The following MAB21L4 variants were observed in gnomAD, a reference collection of about 807,000 sequenced individuals.
MAB21L4 encodes mab-21 like 4.
In MAB21L4, 25 loss-of-function variants were observed where a neutral mutation model predicts 32.4. The observed-to-expected ratio is 0.77, with a 90% CI of 0.56 to 1.08. The LOEUF is 1.08. Ranked by LOEUF, MAB21L4 falls within the 50% of genes least tolerant of loss-of-function variation. MAB21L4 has a pLI of 0.00. For missense variants in MAB21L4, 638 were observed against 611.0 expected (o/e 1.04, Z -0.47); for synonymous variants, 280 against 276.8 (o/e 1.01, Z -0.11).
chr2:240,894,904 A>G (rs750856195), intron 1 of MAB21L4, among the ~76,000 whole-genome samples: 1 of 151,964 alleles, frequency 6.6e-6, no homozygotes, highest in Non-Finnish European at 1.5e-5. Context: ...CCAATAGACA[A>G]CTCAGCCATA....
chr2:240,892,164 C>A, intron 1 of MAB21L4: 4 of 859,176 alleles, frequency 4.7e-6, no homozygotes, highest in Non-Finnish European at 6.7e-6. Context: ...GCCCTGGGGC[C>A]AAAGTCCCAG....
At position 240,895,709 on chromosome 2, in the gene MAB21L4, G is replaced by C. The variant is rs1225565491; in HGVS notation, c.289C>G (p.Pro97Ala). The part of the protein sequence containing the change: ...VDAEALLIEE[P>A]EATQPEDGLE... ...CCATCCTCCGGCTGGGTGGCCTCTG[G>C]TTCCTCAATCAGTAGAGCCTCGGCA... Residue 97 changes from proline to alanine, a missense_variant, in exon 1 of 5, where the codon CCA (proline) becomes GCA (alanine). By Grantham distance (27) the Pro-to-Ala change is conservative. Transcript: ENST00000388934. The C allele has an allele frequency of 6.2e-7, 1 of 1,612,942 alleles. No individual in the cohort carries two copies. The highest frequency in any genetic ancestry group is 1.1e-5 in the South Asian group (1 of 91,086).
In MAB21L4 at chr2:240,886,721, C is replaced by T. The variant is rs11680484; in HGVS notation, c.*349G>A. 0.16 allele frequency: 37,892 copies of T among 244,008 alleles called. 3,566 individuals are homozygous for T. The highest frequency in any genetic ancestry group is 0.19 in the Non-Finnish European group (24,913 of 128,084). The allele number at this position is 244,008 out of a possible 1,614,324, so 15.1% of individuals were successfully genotyped here. A position where few individuals can be genotyped will look rare whatever the true frequency, so the allele number is the denominator to read the frequency against. On this transcript the variant is annotated 3_prime_UTR_variant, in exon 5 of 5. Transcript: ENST00000388934. ...TTTCAAAACCAAATATACAGCATTT[C>T]GTCACCAAGGAATGGCATACAGTGC...
chr2:240,892,392 C>T (rs2059158223), intron 1 of MAB21L4, among the ~76,000 whole-genome samples: 1 of 149,668 alleles, frequency 6.7e-6, no homozygotes, highest in African/African-American at 2.4e-5. Flanking sequence ...TCCCTGAGAG[C>T]CCCCTGCCAC....
chr2:240,892,161 G>A (rs1367776953), intron 1 of MAB21L4: 2 of 901,022 alleles, frequency 2.2e-6, no homozygotes, highest in African/African-American at 3.4e-5. Context: ...CCAGCCCTGG[G>A]GCCAAAGTCC....
chr2:240,893,722 T>A (rs74946077), intron 1 of MAB21L4, among the ~76,000 whole-genome samples: 1 of 109,740 alleles, frequency 9.1e-6, no homozygotes. Context: ...CAGTATCGAG[T>A]CTGCTTTCTC....
intron 4 of MAB21L4, 115 bp from the exon 5 acceptor site, chr2:240,887,277 C>T (rs1481483036): frequency 8.6e-6 from 7 of 816,280 alleles, no homozygotes; most frequent in Non-Finnish European, 1.4e-5. Context: ...CATGCCGGGC[C>T]TTCCTGCCCC....
chr2:240,893,483 C>T (rs747738790), intron 1 of MAB21L4, among the ~76,000 whole-genome samples: 23 of 152,232 alleles, frequency 1.5e-4, no homozygotes, highest in Non-Finnish European at 1.8e-4. Flanking sequence ...CCGTGGGCCA[C>T]GCACGCTCAC....
intron 2 of MAB21L4, 65 bp from the exon 3 acceptor site, chr2:240,890,223 C>T (rs1473300180): frequency 5.8e-6 from 9 of 1,541,068 alleles, no homozygotes; most frequent in Non-Finnish European, 7.9e-6. Flanking sequence ...TGGGGAGCTT[C>T]TGAGCCCCGG....
upstream of MAB21L4, chr2:240,896,213 C>G: frequency 8.1e-7 from 1 of 1,232,422 alleles, no homozygotes; most frequent in Non-Finnish European, 1.0e-6. Context: ...TGAGTCAGTC[C>G]CCAGCAATTG....
At chr2:240,893,375 C>T (rs1246072505) in intron 1 of MAB21L4, among the ~76,000 whole-genome samples, 1 of 152,220 alleles carries the variant, frequency 6.6e-6, no homozygotes. Flanking sequence ...CCACAGGGGC[C>T]TCAGTTCCCA....
intron 1 of MAB21L4, among the ~76,000 whole-genome samples, chr2:240,893,284 A>T (rs1189390599): frequency 1.3e-5 from 2 of 152,080 alleles, no homozygotes; most frequent in African/African-American, 4.8e-5. Flanking sequence ...CAGCCCCCAC[A>T]ATCTCCCGTG....
At chr2:240,889,957 C>G in intron 3 of MAB21L4, 48 bp downstream of exon 3, 1 of 1,569,284 alleles carries the variant, frequency 6.4e-7, no homozygotes, top group African/African-American at 1.3e-5. Flanking sequence ...GGTGCACCTA[C>G]CCCTGGGCCC....
Position 240,891,588 on chromosome 2 carries a change from C to T in MAB21L4, c.690G>A (p.Arg230=), listed in dbSNP as rs10195453. Residue 230 remains arginine (R), a synonymous_variant, in exon 2 of 5, where the codon AGG becomes AGA. Coordinates refer to ENST00000388934, the MANE Select transcript of MAB21L4 (RefSeq NM_001085437.3). Reference sequence around the variant, plus strand: ...CCAGGTCCACCCCTTGGCTGAGGATCCTTCTCAAGCTGCCCTCAGGGAATC... The same window carrying T: ...CCAGGTCCACCCCTTGGCTGAGGATTCTTCTCAAGCTGCCCTCAGGGAATC... ...MPGFPEGSLR[R]ILSQGVDLVP... 0.49 allele frequency: 795,095 copies of T among 1,610,262 alleles called. 200,302 individuals carry two copies. Among genetic ancestry groups the T allele is most frequent in the African/African-American group, 0.73 (54,677 of 74,982 alleles).
In MAB21L4 at chr2:240,886,905, A is replaced by G; in HGVS notation, c.*165T>C. 1.7e-6 allele frequency: 1 copy of G among 576,220 alleles called. No individual in the cohort carries two copies. Among genetic ancestry groups the G allele is most frequent in the Non-Finnish European group, 3.1e-6 (1 of 326,966 alleles). 35.7% of individuals were successfully genotyped at this position (576,220 alleles called of 1,614,324 possible). ...TCCAAGAGGCCTGCCCTGCCCCACC[A>G]GGCACTGAAAGACTCTCAGAGGCCA... On this transcript the variant is annotated 3_prime_UTR_variant, in exon 5 of 5. Coordinates refer to ENST00000388934, the MANE Select transcript of MAB21L4 (RefSeq NM_001085437.3).
intron 3 of MAB21L4, among the ~76,000 whole-genome samples, chr2:240,889,562 G>A (rs1254579151): frequency 6.6e-6 from 1 of 152,250 alleles, no homozygotes; most frequent in Admixed American, 6.5e-5. Flanking sequence ...ACAGGGTTCT[G>A]CAGAATGTCA....
In MAB21L4 at chr2:240,895,686, A is replaced by C. The variant is rs1357142124; in HGVS notation, c.312T>G (p.Asp104Glu). Residue 104 changes from aspartate to glutamate, a missense_variant, in exon 1 of 5, where the codon GAT (aspartate) becomes GAG (glutamate). Transcript: ENST00000388934. ...IEEPEATQPE[D>E]GLELCHLGVP... ...CACCCAGGTGGCATAATTCAAGGCC[A>C]TCCTCCGGCTGGGTGGCCTCTGGTT... 4 of 1,612,946 alleles carry C rather than the reference A, an allele frequency of 2.5e-6. No homozygotes were observed. In the East Asian group the frequency reaches 8.9e-5, roughly 36 times the overall value.
Position 240,886,988 on chromosome 2 carries a change from A to G in MAB21L4, c.*82T>C. The G allele has an allele frequency of 1.8e-6, 2 of 1,114,424 alleles. No homozygotes were observed. The highest frequency in any genetic ancestry group is 2.7e-6 in the Non-Finnish European group (2 of 743,106). 69.0% of individuals were successfully genotyped at this position (1,114,424 alleles called of 1,614,324 possible). On this transcript the variant is annotated 3_prime_UTR_variant, in exon 5 of 5. Coordinates refer to ENST00000388934, the MANE Select transcript of MAB21L4 (RefSeq NM_001085437.3). ...CAAGGAGAAGCCCGTTTCTTCTTCC[A>G]AACATCCCAGGAGCCTCCCATGGTG...
chr2:240,888,512 T>C lies in MAB21L4; in HGVS notation c.1031A>G (p.Gln344Arg). 6.2e-7 allele frequency: 1 copy of C among 1,607,536 alleles called. No homozygotes were observed. Among genetic ancestry groups the C allele is most frequent in the Non-Finnish European group, 8.5e-7 (1 of 1,179,178 alleles). Residue 344 changes from glutamine to arginine, a missense_variant, in exon 4 of 5, where the codon CAG becomes CGG. Physicochemically the swap from Gln to Arg is conservative, Grantham distance 43. Coordinates refer to ENST00000388934, the MANE Select transcript of MAB21L4 (RefSeq NM_001085437.3). The part of the protein sequence containing the change: ...TRKLPHFLHP[Q>R]RNLLQGSGLD... ...GCCGCTGCCCTGCAGCAGGTTGCGC[T>C]GCGGGTGGAGGAAGTGGGGCAGCTT...
Sources: gnomAD v4.1 joint callset for allele counts (sites outside exome capture counted in the v4.1 genomes callset) on GRCh38, gnomAD v4.1.1 for gene constraint, MANE v1.5 for transcripts, NCBI Gene and HGNC (gene_info 2026-07-23, HGNC 2026-07-21) for gene names.